The following RAB3GAP1 variants were observed in gnomAD, a reference collection of about 807,000 sequenced individuals.
RAB3GAP1 encodes RAB3 GTPase activating protein catalytic subunit 1, also known as rab3 GTPase-activating protein catalytic subunit.
In RAB3GAP1, 86 loss-of-function variants were observed where a neutral mutation model predicts 130.7. The observed-to-expected ratio is 0.66, with a 90% confidence interval of 0.55 to 0.79. The LOEUF (loss-of-function observed/expected upper bound fraction) is 0.79. Ranked by LOEUF, RAB3GAP1 falls within the 30% of genes least tolerant of loss-of-function variation. The pLI, the probability that RAB3GAP1 is intolerant of heterozygous loss-of-function variation, is 0.00. For synonymous variants in RAB3GAP1, 367 were observed against 401.7 expected (o/e 0.91, Z 1.03); for missense variants, 1,029 against 1,169.4 (o/e 0.88, Z 1.75).
intron 5 of RAB3GAP1, among the ~76,000 whole-genome samples, chr2:135,103,035 A>ATTTTTTTTTTTTTTTTTTTATTTTTTT (rs1690495116): frequency 1.1e-5 from 1 of 90,912 alleles, no homozygotes; most frequent in African/African-American, 5.5e-5. Context: ...CATTTTTGTG[A>ATTTTTTTTTTTTTTTTTTTATTTTTTT]TTTTTTTTTT....
At chr2:135,063,612 A>G (rs1412977938) in intron 3 of RAB3GAP1, among the ~76,000 whole-genome samples, 1 of 152,140 alleles carries the variant, frequency 6.6e-6, no homozygotes, top group Non-Finnish European at 1.5e-5. Flanking sequence ...ACATAGCATA[A>G]TGTCTTCAAG....
intron 17 of RAB3GAP1, among the ~76,000 whole-genome samples, chr2:135,147,621 C>A (rs527619395): frequency 2.0e-5 from 3 of 147,936 alleles, no homozygotes; most frequent in Non-Finnish European, 3.0e-5. Flanking sequence ...CCCCTCCCCC[C>A]CCCTTTTTTT....
intron 23 of RAB3GAP1, chr2:135,165,047 G>C (rs1692594965): frequency 4.6e-6 from 2 of 430,146 alleles, no homozygotes; most frequent in African/African-American, 4.1e-5. Context: ...ATGGAGTTCA[G>C]TTTTACCATC....
At position 135,115,508 on chromosome 2, in the gene RAB3GAP1, A is replaced by G. The variant is rs909513052; in HGVS notation, c.648+127A>G. The G allele has an allele frequency of 7.1e-5, 64 of 906,292 alleles. 1 individual carries two copies. The Admixed American group carries it at 1.3e-3, about 18-fold the overall frequency. The allele number at this position is 906,292 out of a possible 1,614,324, so 56.1% of individuals were successfully genotyped here. On this transcript the variant is annotated intron_variant, in intron 7 of 23. Transcript: ENST00000264158. ...TAATGTAATTGCTTAGAAGAAAGCT[A>G]TAAGTGACTACATAAATTACTTTGT...
intron 4 of RAB3GAP1, 32 bp from the exon 5 acceptor site, chr2:135,093,583 A>G (rs775142306): frequency 6.6e-7 from 1 of 1,523,482 alleles, no homozygotes; most frequent in African/African-American, 1.4e-5. Context: ...TCATGAACAT[A>G]CTAACTTTTT....
At chr2:135,135,398 T>C in intron 16 of RAB3GAP1, 79 bp downstream of exon 16, 2 of 1,471,664 alleles carry the variant, frequency 1.4e-6, no homozygotes, top group Non-Finnish European at 1.9e-6. Flanking sequence ...AATAATGGGT[T>C]ACATGCTGTT....
chr2:135,115,932 G>GTGC (rs1291795145), intron 7 of RAB3GAP1, among the ~76,000 whole-genome samples: 1 of 152,156 alleles, frequency 6.6e-6, no homozygotes, highest in Non-Finnish European at 1.5e-5. Flanking sequence ...GGACTTGCCT[G>GTGC]TGCTGCTCTG....
At chr2:135,117,558 G>GCTTCTTCTT (rs1484152024) in intron 7 of RAB3GAP1, among the ~76,000 whole-genome samples, 2 of 19,248 alleles carry the variant, frequency 1.0e-4, no homozygotes, top group African/African-American at 3.8e-4. Context: ...TTCTTCTTCT[G>GCTTCTTCTT]CTTCTTCTTC....
chr2:135,127,971 T>C (rs1309917480), intron 11 of RAB3GAP1, among the ~76,000 whole-genome samples: 1 of 152,180 alleles, frequency 6.6e-6, no homozygotes, highest in Non-Finnish European at 1.5e-5. Flanking sequence ...AAATATTTTC[T>C]CCTTTTCTTT....
At chr2:135,122,120 A>G (rs1046787567) in intron 8 of RAB3GAP1, among the ~76,000 whole-genome samples, 1 of 152,102 alleles carries the variant, frequency 6.6e-6, no homozygotes, top group Non-Finnish European at 1.5e-5. Context: ...AATTAATGTA[A>G]TATATCCTTA....
chr2:135,154,614 A>G (rs1692260033), intron 19 of RAB3GAP1, among the ~76,000 whole-genome samples: 1 of 152,186 alleles, frequency 6.6e-6, no homozygotes, highest in African/African-American at 2.4e-5. Context: ...GCCAAGAGAT[A>G]CAGAAGACTT....
At chr2:135,124,121 C>T (rs781684908) in intron 8 of RAB3GAP1, 44 bp from the exon 9 acceptor site, 90 of 1,559,696 alleles carry the variant, frequency 5.8e-5, no homozygotes, top group Non-Finnish European at 7.3e-5. Context: ...TTAGACTCTT[C>T]TTTATTTTTT....
rs144738916 is a variant in RAB3GAP1, at chr2:135,149,044, A to G, written c.1924-1325A>G. Among the ~76,000 whole-genome samples the G allele has an allele frequency of 8.5e-5, 13 of 152,288 alleles. No individual in the cohort carries two copies. The East Asian group carries it at 2.5e-3, about 29-fold the overall frequency. ...GTATATGTGAAAATGTATGGCCCAC[A>G]TGCAACTTGCTGCTTATTCTCCTCT... On this transcript the variant is annotated intron_variant, in intron 17 of 23. Transcript: ENST00000264158.
At chr2:135,134,990 G>A (rs949400342) in intron 15 of RAB3GAP1, among the ~76,000 whole-genome samples, 1 of 152,104 alleles carries the variant, frequency 6.6e-6, no homozygotes, top group African/African-American at 2.4e-5. Flanking sequence ...CTCATTTTGA[G>A]TTTTTGTTAG....
intron 8 of RAB3GAP1, among the ~76,000 whole-genome samples, chr2:135,121,125 C>T (rs1490846492): frequency 6.6e-6 from 1 of 152,026 alleles, no homozygotes; most frequent in Non-Finnish European, 1.5e-5. Flanking sequence ...TAGTATTACT[C>T]TATATTTGAC....
At chr2:135,121,845 C>T (rs1311080798) in intron 8 of RAB3GAP1, among the ~76,000 whole-genome samples, 1 of 152,112 alleles carries the variant, frequency 6.6e-6, no homozygotes, top group Non-Finnish European at 1.5e-5. Flanking sequence ...GTAATCCTAG[C>T]CCTTTGGGAG....
chr2:135,155,447 T>C (rs1416266116), intron 19 of RAB3GAP1, among the ~76,000 whole-genome samples: 7 of 152,114 alleles, frequency 4.6e-5, no homozygotes, highest in African/African-American at 1.4e-4. Flanking sequence ...ATCAGAATAC[T>C]AAGACAGAAC....
intron 13 of RAB3GAP1, among the ~76,000 whole-genome samples, chr2:135,132,466 T>C (rs1040876265): frequency 6.6e-6 from 1 of 152,190 alleles, no homozygotes; most frequent in African/African-American, 2.4e-5. Flanking sequence ...TAGTAGTCTA[T>C]ATATGAAAGC....
intron 5 of RAB3GAP1, among the ~76,000 whole-genome samples, chr2:135,111,554 T>C (rs181882196): frequency 6.6e-6 from 1 of 152,334 alleles, no homozygotes; most frequent in East Asian, 1.9e-4. Flanking sequence ...GGATACTTAG[T>C]AAACTGTGTT....
Sources: allele counts gnomAD v4.1 joint callset (sites outside exome capture counted in the v4.1 genomes callset), GRCh38; gene constraint gnomAD v4.1.1; transcripts MANE v1.5; gene names NCBI Gene and HGNC (gene_info 2026-07-23, HGNC 2026-07-21).